CNTNAP2: variants seen among roughly 807,000 people sequenced by gnomAD.
The protein encoded by CNTNAP2 is contactin associated protein 2, also known as contactin-associated protein-like 2.
Under a neutral mutation model 155.2 loss-of-function variants are expected in CNTNAP2, and 98 were observed. That is an observed-to-expected ratio of 0.63 (90% CI 0.54 to 0.75). The LOEUF is 0.75. CNTNAP2 is among the 30% of genes least tolerant of loss of function. The pLI is 0.00. For missense variants in CNTNAP2, 1,727 were observed against 1,688.1 expected, an observed-to-expected ratio of 1.02 and a Z score of -0.40; for synonymous variants, 651 against 631.2, an observed-to-expected ratio of 1.03 and a Z score of -0.47.
At chr7:146,786,266 G>A (rs935900538) in intron 2 of CNTNAP2, among the ~76,000 whole-genome samples, 1 of 52,594 alleles carries the variant, frequency 1.9e-5, no homozygotes. Flanking sequence ...TTATTAAGAG[G>A]CAGACCAAAT....
chr7:148,415,726 C>G lies in CNTNAP2; in HGVS notation c.*110C>G. 8.1e-7 allele frequency: 1 copy of G among 1,239,616 alleles called. No individual in the cohort carries two copies. Among genetic ancestry groups the G allele is most frequent in the East Asian group, 2.4e-5 (1 of 40,986 alleles). 76.8% of individuals were successfully genotyped at this position (1,239,616 alleles called of 1,614,324 possible). ...TGAGCACATCCTTAAAATATCAGCA[C>G]AAGTTGGGGGAGGCAGGCAATGGAA... is the stretch of plus-strand genomic sequence containing the variant. On this transcript the variant is annotated 3_prime_UTR_variant, in exon 24 of 24. Coordinates refer to ENST00000361727, the MANE Select transcript of CNTNAP2 (RefSeq NM_014141.6).
chr7:147,279,059 A>T (rs1056633651), intron 8 of CNTNAP2, among the ~76,000 whole-genome samples: 2 of 151,670 alleles, frequency 1.3e-5, no homozygotes, highest in African/African-American at 4.8e-5. Context: ...AACTATAATC[A>T]TTCTGAACCC....
chr7:148,401,679 A>G (rs1183784099), intron 22 of CNTNAP2, among the ~76,000 whole-genome samples: 3 of 151,960 alleles, frequency 2.0e-5, no homozygotes, highest in African/African-American at 7.3e-5. Flanking sequence ...GCTCACTGCA[A>G]TCTCCGCTTC....
At chr7:147,194,543 A>G (rs1456944712) in intron 8 of CNTNAP2, among the ~76,000 whole-genome samples, 1 of 152,172 alleles carries the variant, frequency 6.6e-6, no homozygotes, top group African/African-American at 2.4e-5. Context: ...TCCCACCAAC[A>G]GTGTAAAAGT....
chr7:148,174,612 A>G (rs1794901118), intron 18 of CNTNAP2, among the ~76,000 whole-genome samples: 1 of 152,208 alleles, frequency 6.6e-6, no homozygotes, highest in African/African-American at 2.4e-5. Flanking sequence ...CCTACCACAC[A>G]CAGCCGGACT....
chr7:146,894,455 G>GT (rs1471667305), intron 3 of CNTNAP2, among the ~76,000 whole-genome samples: 1 of 151,786 alleles, frequency 6.6e-6, no homozygotes, highest in Admixed American at 6.6e-5. Flanking sequence ...TGTTTTTCTT[G>GT]TTTTTGTTTT....
At chr7:147,532,792 C>A (rs1254049454) in intron 11 of CNTNAP2, among the ~76,000 whole-genome samples, 1 of 152,058 alleles carries the variant, frequency 6.6e-6, no homozygotes, top group Non-Finnish European at 1.5e-5. Flanking sequence ...CCTGATAAAC[C>A]CATCAGATCT....
In CNTNAP2 at chr7:148,025,958, G is replaced by T. The variant is rs778561408; in HGVS notation, c.2383+47969G>T. Among the ~76,000 whole-genome samples the T allele has an allele frequency of 3.6e-4, 55 of 152,280 alleles. No homozygotes were observed. The East Asian group carries it at 6.0e-3, about 17-fold the overall frequency. Reference sequence around the variant, plus strand: ...TTAGGCCTTGCTAATATATCGGTATGGGACAATCTCCTTCTTAAAATTGTC... The same window carrying T: ...TTAGGCCTTGCTAATATATCGGTATTGGACAATCTCCTTCTTAAAATTGTC... On this transcript the variant is annotated intron_variant, in intron 15 of 23. Coordinates refer to ENST00000361727, the MANE Select transcript of CNTNAP2 (RefSeq NM_014141.6).
intron 19 of CNTNAP2, among the ~76,000 whole-genome samples, chr7:148,228,792 C>T (rs10155948): frequency 1.4e-5 from 2 of 147,186 alleles, no homozygotes; most frequent in South Asian, 4.4e-4. Flanking sequence ...CGCGCCACTG[C>T]ACTCCAGCCT....
intron 1 of CNTNAP2, among the ~76,000 whole-genome samples, chr7:146,580,074 C>T (rs1372212970): frequency 3.9e-5 from 6 of 152,080 alleles, no homozygotes; most frequent in Non-Finnish European, 5.9e-5. Context: ...CATGTATTTT[C>T]AGTAAGCAGT....
intron 1 of CNTNAP2, among the ~76,000 whole-genome samples, chr7:146,135,247 CAT>C (rs927774417): frequency 6.6e-6 from 1 of 151,892 alleles, no homozygotes; most frequent in Non-Finnish European, 1.5e-5. Flanking sequence ...TATGATATCT[CAT>C]TTTTATTTTG....
intron 3 of CNTNAP2, among the ~76,000 whole-genome samples, chr7:146,888,634 A>G (rs1394799419): frequency 6.6e-6 from 1 of 152,086 alleles, no homozygotes; most frequent in East Asian, 1.9e-4. Flanking sequence ...TCCAGATTAT[A>G]TAGTATATAC....
intron 1 of CNTNAP2, among the ~76,000 whole-genome samples, chr7:146,475,643 G>C (rs1477626491): frequency 6.6e-6 from 1 of 152,130 alleles, no homozygotes; most frequent in African/African-American, 2.4e-5. Context: ...TTGACAGACT[G>C]AAAATCAGTG....
intron 8 of CNTNAP2, among the ~76,000 whole-genome samples, chr7:147,195,110 A>T (rs1475011665): frequency 6.6e-6 from 1 of 152,154 alleles, no homozygotes; most frequent in African/African-American, 2.4e-5. Flanking sequence ...AGGTGTAAGG[A>T]AGCAGTCCAG....
At chr7:146,210,170 T>C (rs1252805432) in intron 1 of CNTNAP2, among the ~76,000 whole-genome samples, 1 of 152,166 alleles carries the variant, frequency 6.6e-6, no homozygotes, top group African/African-American at 2.4e-5. Context: ...GGAGTTACTA[T>C]ATCTGAATTC....
chr7:147,405,281 G>T (rs1438448076), intron 10 of CNTNAP2, among the ~76,000 whole-genome samples: 1 of 152,086 alleles, frequency 6.6e-6, no homozygotes, highest in Admixed American at 6.6e-5. Context: ...ATAAAAATAA[G>T]AGCAATTGAT....
chr7:147,638,618 G>A (rs1362660214), intron 12 of CNTNAP2, among the ~76,000 whole-genome samples: 1 of 152,166 alleles, frequency 6.6e-6, no homozygotes, highest in African/African-American at 2.4e-5. Context: ...TAAAAGGTCA[G>A]TGTGAAGAGA....
intron 1 of CNTNAP2, among the ~76,000 whole-genome samples, chr7:146,709,522 T>G (rs1801025935): frequency 6.6e-6 from 1 of 152,196 alleles, no homozygotes; most frequent in South Asian, 2.1e-4. Context: ...GCCTAAAGTT[T>G]GTTGCTCAGT....
At chr7:146,679,987 T>A (rs1358268374) in intron 1 of CNTNAP2, among the ~76,000 whole-genome samples, 3 of 152,188 alleles carry the variant, frequency 2.0e-5, no homozygotes, top group African/African-American at 7.2e-5. Context: ...ATGTATCAAT[T>A]TACATTTATA....
Sources: allele counts gnomAD v4.1 joint callset (sites outside exome capture counted in the v4.1 genomes callset), GRCh38; gene constraint gnomAD v4.1.1; transcripts MANE v1.5; gene names NCBI Gene and HGNC (gene_info 2026-07-23, HGNC 2026-07-21).